Variants in IL24 observed in about 807,000 individuals in gnomAD.
IL24 encodes interleukin 24.
In IL24, 24 loss-of-function variants were observed where a neutral mutation model predicts 27.6. That is an observed-to-expected ratio of 0.87 (90% CI 0.63 to 1.22). The LOEUF (loss-of-function observed/expected upper bound fraction) is 1.22, where lower values mean the gene tolerates loss of function less well. IL24 is among the 50% of genes most tolerant of loss of function. The pLI, the probability that IL24 is intolerant of heterozygous loss-of-function variation, is 0.00. For missense variants in IL24, 240 were observed against 237.0 expected (o/e 1.01, Z -0.08); for synonymous variants, 99 against 93.1 (o/e 1.06, Z -0.36).
At chr1:206,902,193 C>T (rs1437160906) in intron 6 of IL24, 121 bp downstream of exon 6, 3 of 1,454,840 alleles carry the variant, frequency 2.1e-6, no homozygotes, top group Non-Finnish European at 1.8e-6. Context: ...AGCTTTGCTC[C>T]AAAGCCCCCT....
Position 206,897,744 on chromosome 1 carries a change from C to T in IL24, c.-89C>T, listed in dbSNP as rs1300124378. The T allele has an allele frequency of 7.2e-7, 1 of 1,380,722 alleles. No homozygotes were observed. The highest frequency in any genetic ancestry group is 1.7e-5 in the Admixed American group (1 of 57,568). 85.5% of individuals were successfully genotyped at this position (1,380,722 alleles called of 1,614,324 possible). ...GTGTTGATGTAGGGACAAGACATGA[C>T]TGTGATGAGGAGCTGCTTTCGCCAA... On this transcript the variant is annotated 5_prime_UTR_variant, in exon 2 of 7. Coordinates refer to ENST00000294984, the MANE Select transcript of IL24 (RefSeq NM_006850.3).
chr1:206,899,626 C>A, intron 3 of IL24, 111 bp downstream of exon 3: 2 of 800,332 alleles, frequency 2.5e-6, no homozygotes, highest in Non-Finnish European at 3.8e-6. Context: ...GCTTGCTAAT[C>A]AGTTTCCAGT....
chr1:206,901,689 G>T (rs1572607071), intron 5 of IL24, 37 bp downstream of exon 5: 1 of 1,576,296 alleles, frequency 6.3e-7, no homozygotes. Context: ...GCAGCTCTGG[G>T]TTCAAGTCTA....
At position 206,902,786 on chromosome 1, in the gene IL24, C is replaced by T. The variant is rs77738703; in HGVS notation, c.538-190C>T. The T allele has an allele frequency of 8.1e-6, 8 of 985,324 alleles. No individual in the cohort carries two copies. In the East Asian group the frequency reaches 9.1e-4, roughly 112 times the overall value. The allele number at this position is 985,324 out of a possible 1,614,324, so 61.0% of individuals were successfully genotyped here. ...ACTGATATTCACTAGCCTGTTTGTC[C>T]TCACCCCTGAAGCAGATAAACACAT... On this transcript the variant is annotated intron_variant, in intron 6 of 6. Transcript: ENST00000294984.
chr1:206,897,489 C>T lies in IL24; in HGVS notation c.-229C>T, dbSNP rs1195682179. On this transcript the variant is annotated 5_prime_UTR_variant, in exon 1 of 7. In the 5' UTR this introduces an upstream ATG that the reference lacks. Coordinates refer to ENST00000294984, the MANE Select transcript of IL24 (RefSeq NM_006850.3). ...TCTGAAATGACTTCCACGGCTGGGACGGGAACCTTCCACCCACAGCTATGC... is the reference window on the plus strand; with the variant it reads ...TCTGAAATGACTTCCACGGCTGGGATGGGAACCTTCCACCCACAGCTATGC... The T allele has an allele frequency of 1.7e-5, 3 of 178,610 alleles. No homozygotes were observed. Among genetic ancestry groups the T allele is most frequent in the Admixed American group, 6.2e-5 (1 of 16,058 alleles). The allele number at this position is 178,610 out of a possible 1,614,324, so 11.1% of individuals were successfully genotyped here.
Position 206,901,619 on chromosome 1 carries a change from C to G in IL24, c.429C>G (p.Asn143Lys). Residue 143 changes from asparagine (N) to lysine (K), a missense_variant, in exon 5 of 7, where the codon AAC becomes AAG. Physicochemically the swap from Asn to Lys is moderately conservative, Grantham distance 94. Transcript: ENST00000294984. ...TLKSFSTLAN[N>K]FVLIVSQLQP... is the part of the protein sequence containing the mutation. ...AGTCATTCTCTACTCTGGCCAACAA[C>G]TTTGTTCTCATCGTGTCACAACTGC... 1 of 1,614,190 alleles carries G rather than the reference C, an allele frequency of 6.2e-7. No individual in the cohort carries two copies. The highest frequency in any genetic ancestry group is 8.5e-7 in the Non-Finnish European group (1 of 1,180,010).
rs768808369 is a variant in IL24, at chr1:206,897,831, A to C, written c.-2A>C. The C allele has an allele frequency of 1.2e-6, 2 of 1,612,136 alleles. No homozygotes were observed. Among genetic ancestry groups the C allele is most frequent in the Non-Finnish European group, 1.7e-6 (2 of 1,179,452 alleles). ...AGGCCAGGAGGAACACGAGACTGAGAGATGAATTTTCAACAGAGGCTGCAA... is the reference window on the plus strand; with the variant it reads ...AGGCCAGGAGGAACACGAGACTGAGCGATGAATTTTCAACAGAGGCTGCAA... On this transcript the variant is annotated 5_prime_UTR_variant, in exon 2 of 7. Transcript: ENST00000294984.
Position 206,897,808 on chromosome 1 carries a change from G to C in IL24, c.-25G>C. ...AGAATTGAGGCTGCTTGGGAGGAAG[G>C]CCAGGAGGAACACGAGACTGAGAGA... On this transcript the variant is annotated 5_prime_UTR_variant, in exon 2 of 7. Transcript: ENST00000294984. 6.2e-7 allele frequency: 1 copy of C among 1,612,510 alleles called. No individual in the cohort carries two copies. The highest frequency in any genetic ancestry group is 1.7e-5 in the Admixed American group (1 of 59,874).
At chr1:206,899,178 G>T in intron 2 of IL24, 142 bp from the exon 3 acceptor site, 1 of 815,254 alleles carries the variant, frequency 1.2e-6, no homozygotes, top group Non-Finnish European at 1.9e-6. Context: ...CCTTAGCAAG[G>T]CTGCCGGTTT....
intron 6 of IL24, chr1:206,902,443 C>T: frequency 1.1e-6 from 1 of 945,854 alleles, no homozygotes; most frequent in Non-Finnish European, 1.2e-6. Context: ...TTCCATGATG[C>T]TCAACTGGTC....
rs140001654 is a variant in IL24, at chr1:206,898,579, C to T, written c.44+703C>T. The stretch of plus-strand genomic sequence containing the variant: ...ATCAGTTATAATAAATACATAATGG[C>T]GTTAGGTTCCCCAGCTTGGAGGCTC... On this transcript the variant is annotated intron_variant, in intron 2 of 6. Coordinates refer to ENST00000294984, the MANE Select transcript of IL24 (RefSeq NM_006850.3). 6.3e-4 allele frequency among the ~76,000 whole-genome samples: 96 copies of T among 152,164 alleles called. No individual in the cohort carries two copies. The East Asian group carries it at 9.5e-3, about 15-fold the overall frequency.
intron 3 of IL24, 112 bp downstream of exon 3, chr1:206,899,627 A>G: frequency 1.2e-6 from 1 of 805,120 alleles, no homozygotes; most frequent in Non-Finnish European, 1.9e-6. Context: ...CTTGCTAATC[A>G]GTTTCCAGTT....
chr1:206,901,967 T>C (rs2102526911), intron 5 of IL24, 31 bp from the exon 6 acceptor site: 2 of 1,609,470 alleles, frequency 1.2e-6, no homozygotes, highest in Non-Finnish European at 1.7e-6. Flanking sequence ...TATCTAAAAA[T>C]TGGCACAACT....
chr1:206,897,861 T>C lies in IL24; in HGVS notation c.29T>C (p.Leu10Pro), dbSNP rs75762018. 4,815 of 1,607,150 alleles carry C rather than the reference T, an allele frequency of 3.0e-3. 130 individuals are homozygous for C. In the African/African-American group the frequency reaches 0.053, roughly 18 times the overall value. Residue 10 changes from leucine (L) to proline (P), a missense_variant, in exon 2 of 7, where the codon CTG (leucine) becomes CCG (proline). Physicochemically the swap from Leu to Pro is moderately conservative, Grantham distance 98. Coordinates refer to ENST00000294984, the MANE Select transcript of IL24 (RefSeq NM_006850.3). MNFQQRLQS[L>P]WTLARPFCPP... is the part of the protein sequence containing the mutation. ...AATTTTCAACAGAGGCTGCAAAGCCTGTGGACTTTAGCCAGGTGCGGTGGC... is the reference window on the plus strand; with the variant it reads ...AATTTTCAACAGAGGCTGCAAAGCCCGTGGACTTTAGCCAGGTGCGGTGGC...
rs752559971 is a variant in IL24, at chr1:206,903,099, G to T, written c.*40G>T. 6.6e-7 allele frequency: 1 copy of T among 1,522,816 alleles called. No individual in the cohort carries two copies. The highest frequency in any genetic ancestry group is 9.1e-7 in the Non-Finnish European group (1 of 1,096,830). 94.3% of individuals were successfully genotyped at this position (1,522,816 alleles called of 1,614,324 possible). On this transcript the variant is annotated 3_prime_UTR_variant, in exon 7 of 7. Transcript: ENST00000294984. ...ACCTCCCTCCCCCTGGCACTGGTTT[G>T]TTCCCTGTGTCATTTCAAACAGTCT...
chr1:206,897,778 C>G lies in IL24; in HGVS notation c.-55C>G. Reference sequence around the variant, plus strand: ...GGAGCTGCTTTCGCCAATTTAACACCAAGAAGAATTGAGGCTGCTTGGGAG... The same window carrying G: ...GGAGCTGCTTTCGCCAATTTAACACGAAGAAGAATTGAGGCTGCTTGGGAG... On this transcript the variant is annotated 5_prime_UTR_variant, in exon 2 of 7. Coordinates refer to ENST00000294984, the MANE Select transcript of IL24 (RefSeq NM_006850.3). 5 of 1,606,240 alleles carry G rather than the reference C, an allele frequency of 3.1e-6. No individual in the cohort carries two copies. The South Asian group carries it at 3.3e-5, about 11-fold the overall frequency.
At chr1:206,898,170 A>G (rs1558639686) in intron 2 of IL24, among the ~76,000 whole-genome samples, 2 of 60,656 alleles carry the variant, frequency 3.3e-5, no homozygotes. Flanking sequence ...CTGTCAAAAA[A>G]AAAAAAAAAA....
At chr1:206,899,178 G>C (rs1210327852) in intron 2 of IL24, 142 bp from the exon 3 acceptor site, 2 of 815,254 alleles carry the variant, frequency 2.5e-6, no homozygotes, top group East Asian at 5.5e-5. Flanking sequence ...CCTTAGCAAG[G>C]CTGCCGGTTT....
At chr1:206,899,755 A>G (rs907808841) in intron 3 of IL24, among the ~76,000 whole-genome samples, 3 of 152,178 alleles carry the variant, frequency 2.0e-5, no homozygotes, top group African/African-American at 7.2e-5. Context: ...GCCCAAGGGA[A>G]ACCATGAAGA....
Sources: allele counts gnomAD v4.1 joint callset (sites outside exome capture counted in the v4.1 genomes callset), GRCh38; gene constraint gnomAD v4.1.1; transcripts MANE v1.5; gene names NCBI Gene and HGNC (gene_info 2026-07-23, HGNC 2026-07-21).